Variants in NFIB observed in about 807,000 individuals in gnomAD.
NFIB encodes nuclear factor 1 B-type.
A neutral mutation model predicts 61.5 loss-of-function variants in NFIB; 11 were observed. That is an observed-to-expected ratio of 0.18 (90% CI 0.11 to 0.30). NFIB has a LOEUF of 0.30. Ranked by LOEUF, NFIB falls within the 10% of genes least tolerant of loss-of-function variation. NFIB has a pLI of 1.00. For synonymous variants in NFIB, 260 were observed against 216.5 expected (o/e 1.20, Z -1.76); for missense variants, 471 against 608.9 (o/e 0.77, Z 2.38).
At chr9:14,429,027 T>A in the NFIB span, among the ~76,000 whole-genome samples, 1 of 152,184 alleles carries the variant, frequency 6.6e-6, no homozygotes, top group African/African-American at 2.4e-5. Context: ...TTGCTTATTA[T>A]CAGAGGGACT....
chr9:14,386,581 T>G (rs897696784), intron 1 of NFIB, among the ~76,000 whole-genome samples: 11 of 150,318 alleles, frequency 7.3e-5, no homozygotes, highest in Admixed American at 1.3e-4. Flanking sequence ...TCATGCATTC[T>G]CACAGAGGAA....
chr9:14,448,499 C>T, the NFIB span, among the ~76,000 whole-genome samples: 127,532 of 152,222 alleles, frequency 0.84, 53,604 homozygotes, highest in East Asian at 0.94. Flanking sequence ...TCCAGTGCTT[C>T]CTTTTTCTTA....
At chr9:14,170,434 G>A (rs909647267) in intron 3 of NFIB, among the ~76,000 whole-genome samples, 3 of 152,214 alleles carry the variant, frequency 2.0e-5, no homozygotes, top group East Asian at 1.9e-4. Context: ...TTCAGCCCAG[G>A]AGCTGGGGAC....
chr9:14,231,449 A>C (rs1204307419), intron 2 of NFIB, among the ~76,000 whole-genome samples: 1 of 152,028 alleles, frequency 6.6e-6, no homozygotes, highest in Non-Finnish European at 1.5e-5. Flanking sequence ...CAGGAAGCCC[A>C]ATCCTGCCTG....
intron 2 of NFIB, among the ~76,000 whole-genome samples, chr9:14,266,640 C>A (rs923431504): frequency 5.9e-5 from 9 of 151,926 alleles, no homozygotes; most frequent in Non-Finnish European, 1.3e-4. Context: ...CTTCATGCTT[C>A]CCTCGGATCT....
intron 2 of NFIB, among the ~76,000 whole-genome samples, chr9:14,207,211 C>T (rs2049834403): frequency 6.6e-6 from 1 of 152,230 alleles, no homozygotes; most frequent in African/African-American, 2.4e-5. Flanking sequence ...GGAATTAAAC[C>T]CAAGCCAAAC....
upstream of NFIB, among the ~76,000 whole-genome samples, chr9:14,315,336 G>A (rs2060491443): frequency 6.6e-6 from 1 of 150,938 alleles, no homozygotes; most frequent in Non-Finnish European, 1.5e-5. Flanking sequence ...CTCGCTCTGA[G>A]CGGGAGGACC....
the NFIB span, among the ~76,000 whole-genome samples, chr9:14,501,725 C>A: frequency 6.6e-6 from 1 of 152,194 alleles, no homozygotes; most frequent in Non-Finnish European, 1.5e-5. Context: ...CCCATTTCCC[C>A]CTGCAGGGGT....
chr9:14,345,380 G>A (rs2061006182), intron 1 of NFIB, among the ~76,000 whole-genome samples: 1 of 152,096 alleles, frequency 6.6e-6, no homozygotes, highest in Non-Finnish European at 1.5e-5. Context: ...CCTTGCCCTA[G>A]AACACAGCCA....
the NFIB span, among the ~76,000 whole-genome samples, chr9:14,443,767 T>A: frequency 3.9e-5 from 6 of 152,238 alleles, no homozygotes; most frequent in Non-Finnish European, 8.8e-5. Context: ...GTGGCTTAAA[T>A]CTCACAATAG....
chr9:14,099,115 A>G (rs553577560), intron 10 of NFIB, among the ~76,000 whole-genome samples: 7 of 152,326 alleles, frequency 4.6e-5, no homozygotes, highest in African/African-American at 1.7e-4. Context: ...AAGTGATTGT[A>G]CAAAGAAAGT....
the NFIB span, among the ~76,000 whole-genome samples, chr9:14,504,091 A>G: frequency 6.6e-6 from 1 of 151,912 alleles, no homozygotes; most frequent in South Asian, 2.1e-4. Context: ...TCCCCACTTT[A>G]TGTTTTTGTT....
At chr9:14,334,567 T>C (rs1413808086) in intron 1 of NFIB, among the ~76,000 whole-genome samples, 1 of 152,204 alleles carries the variant, frequency 6.6e-6, no homozygotes, top group African/African-American at 2.4e-5. Flanking sequence ...GTTCTTTGTA[T>C]ACTCTACACG....
intron 1 of NFIB, among the ~76,000 whole-genome samples, chr9:14,309,476 T>C (rs1187926109): frequency 1.3e-5 from 2 of 152,220 alleles, no homozygotes; most frequent in Non-Finnish European, 2.9e-5. Flanking sequence ...GCATGAGGCA[T>C]ACCCAAATGC....
chr9:14,479,906 T>A, the NFIB span, among the ~76,000 whole-genome samples: 1 of 151,930 alleles, frequency 6.6e-6, no homozygotes, highest in East Asian at 1.9e-4. Flanking sequence ...ATAGCAGTGA[T>A]GGGTTGCACA....
intron 2 of NFIB, among the ~76,000 whole-genome samples, chr9:14,228,481 C>T (rs2052723654): frequency 6.6e-6 from 1 of 152,154 alleles, no homozygotes; most frequent in African/African-American, 2.4e-5. Flanking sequence ...CGCATCCGGC[C>T]ACGATTCTTA....
chr9:14,414,858 C>A, the NFIB span, among the ~76,000 whole-genome samples: 1 of 152,012 alleles, frequency 6.6e-6, no homozygotes, highest in Non-Finnish European at 1.5e-5. Context: ...CTTTGGAGGC[C>A]TTCTCTCAAA....
intron 2 of NFIB, among the ~76,000 whole-genome samples, chr9:14,222,378 T>C (rs1471911033): frequency 2.0e-5 from 3 of 152,148 alleles, no homozygotes; most frequent in Non-Finnish European, 4.4e-5. Context: ...TAAGGGTCAT[T>C]TCCTGGATTC....
chr9:14,233,208 C>T (rs1317121845), intron 2 of NFIB, among the ~76,000 whole-genome samples: 3 of 152,136 alleles, frequency 2.0e-5, no homozygotes, highest in Non-Finnish European at 4.4e-5. Context: ...TGCAAAATCA[C>T]ACAAATATTG....
Sources: gnomAD v4.1 joint callset for allele counts (sites outside exome capture counted in the v4.1 genomes callset) on GRCh38, gnomAD v4.1.1 for gene constraint, MANE v1.5 for transcripts, NCBI Gene and HGNC (gene_info 2026-07-23, HGNC 2026-07-21) for gene names.